Variants in TAFA1 observed in about 807,000 individuals in gnomAD.
TAFA1 encodes TAFA chemokine like family member 1, also known as chemokine-like protein TAFA-1.
In TAFA1, 4 loss-of-function variants were observed where a neutral mutation model predicts 18.5. The observed-to-expected ratio is 0.22, with a 90% CI of 0.11 to 0.49. The LOEUF is 0.49. Among genes scored for constraint, TAFA1 ranks in the 20% least tolerant of loss-of-function variants. The pLI is 0.98. For synonymous variants in TAFA1, 56 were observed against 55.2 expected, an observed-to-expected ratio of 1.01 and a Z score of -0.06; for missense variants, 147 against 169.0, an observed-to-expected ratio of 0.87 and a Z score of 0.72.
intron 2 of TAFA1, among the ~76,000 whole-genome samples, chr3:68,306,332 C>G (rs1040448543): frequency 7.9e-5 from 12 of 152,158 alleles, no homozygotes; most frequent in African/African-American, 2.7e-4. Context: ...GGGGAAATAA[C>G]ACGTCTCTCT....
intron 3 of TAFA1, among the ~76,000 whole-genome samples, chr3:68,517,740 G>C (rs528881360): frequency 2.6e-5 from 4 of 152,240 alleles, no homozygotes; most frequent in Admixed American, 1.3e-4. Context: ...AAACAGCATT[G>C]CTGAGATGAG....
chr3:68,456,723 T>G (rs35767642), intron 3 of TAFA1, among the ~76,000 whole-genome samples: 30,640 of 152,186 alleles, frequency 0.2, 3,364 homozygotes, highest in Admixed American at 0.27. Flanking sequence ...AAAGGTATCT[T>G]GCAAAAAATG....
intron 3 of TAFA1, among the ~76,000 whole-genome samples, chr3:68,451,978 C>T (rs2071573106): frequency 6.6e-6 from 1 of 152,012 alleles, no homozygotes; most frequent in African/African-American, 2.4e-5. Flanking sequence ...CAGGATGGAA[C>T]CGTGAAGGAA....
intron 2 of TAFA1, among the ~76,000 whole-genome samples, chr3:68,071,325 C>T (rs1462751694): frequency 6.6e-6 from 1 of 152,198 alleles, no homozygotes; most frequent in Non-Finnish European, 1.5e-5. Flanking sequence ...GACTTTTTCA[C>T]TATCATGAGA....
rs2069751137 is a variant in TAFA1 at position 68,373,466 on chromosome 3, A to G, written c.119-43814A>G. On this transcript the variant is annotated intron_variant, in intron 2 of 4. Coordinates refer to ENST00000478136, the MANE Select transcript of TAFA1 (RefSeq NM_213609.4). ...TATGCCATTCTGTTTAGCTTCATCC[A>G]TATCAACTCAGGGAGAGGGACTCAA... Among the ~76,000 whole-genome samples, 3 of 152,152 alleles carry G rather than the reference A, an allele frequency of 2.0e-5. No individual in the cohort carries two copies. In the South Asian group the frequency reaches 6.2e-4, roughly 32 times the overall value.
intron 2 of TAFA1, among the ~76,000 whole-genome samples, chr3:68,251,089 A>G (rs1000489127): frequency 2.0e-5 from 3 of 151,752 alleles, no homozygotes; most frequent in Admixed American, 6.6e-5. Context: ...AAAAAAAACC[A>G]AAATAAATTA....
At chr3:68,426,366 A>G (rs1396139678) in intron 3 of TAFA1, among the ~76,000 whole-genome samples, 3 of 151,920 alleles carry the variant, frequency 2.0e-5, no homozygotes, top group Non-Finnish European at 4.4e-5. Flanking sequence ...ATTTGGGTAC[A>G]TGCAGGCCTA....
At chr3:68,005,533 C>G (rs566335197) in intron 1 of TAFA1, among the ~76,000 whole-genome samples, 3 of 152,196 alleles carry the variant, frequency 2.0e-5, no homozygotes, top group South Asian at 4.1e-4. Context: ...TAATAAAGAA[C>G]CAATTTTCAT....
intron 3 of TAFA1, among the ~76,000 whole-genome samples, chr3:68,524,120 T>A (rs1251157192): frequency 6.6e-6 from 1 of 152,176 alleles, no homozygotes; most frequent in Non-Finnish European, 1.5e-5. Flanking sequence ...TCTTCTGGTC[T>A]GGGCTGGCTC....
intron 2 of TAFA1, among the ~76,000 whole-genome samples, chr3:68,087,298 A>T (rs1226644267): frequency 4.6e-5 from 7 of 152,196 alleles, no homozygotes; most frequent in Admixed American, 3.9e-4. Flanking sequence ...TAGTGAAAGA[A>T]GATAATTACT....
At chr3:67,999,297 G>GTGTGTT (rs144366541), upstream of TAFA1, among the ~76,000 whole-genome samples, 1 of 150,688 alleles carries the variant, frequency 6.6e-6, no homozygotes, top group Non-Finnish European at 1.5e-5. Context: ...CTGTGTGTGT[G>GTGTGTT]TGTGTGTATG....
chr3:68,370,444 A>G (rs2069671812), intron 2 of TAFA1, among the ~76,000 whole-genome samples: 1 of 79,992 alleles, frequency 1.3e-5, no homozygotes, highest in African/African-American at 5.1e-5. Flanking sequence ...ATATATACAT[A>G]TGTATATATA....
chr3:68,234,896 T>C (rs1356702735), intron 2 of TAFA1, among the ~76,000 whole-genome samples: 11 of 152,204 alleles, frequency 7.2e-5, no homozygotes, highest in Non-Finnish European at 1.6e-4. Flanking sequence ...TTGATACAGC[T>C]TTCTGTGAAT....
intron 2 of TAFA1, among the ~76,000 whole-genome samples, chr3:68,316,638 A>G (rs2068610491): frequency 6.6e-6 from 1 of 152,188 alleles, no homozygotes; most frequent in East Asian, 1.9e-4. Flanking sequence ...TTCTGAATTC[A>G]TTAGATTCCA....
chr3:68,346,008 C>T (rs262218), intron 2 of TAFA1, among the ~76,000 whole-genome samples: 2 of 152,016 alleles, frequency 1.3e-5, no homozygotes, highest in Admixed American at 1.3e-4. Flanking sequence ...CTGGCTACTT[C>T]GCAGCTCTTT....
chr3:68,078,242 C>A (rs1411748876), intron 2 of TAFA1, among the ~76,000 whole-genome samples: 2 of 152,144 alleles, frequency 1.3e-5, no homozygotes, highest in Non-Finnish European at 2.9e-5. Context: ...GATATACAAT[C>A]ATGTCATCTG....
At chr3:68,258,634 A>G (rs575344314) in intron 2 of TAFA1, among the ~76,000 whole-genome samples, 7 of 152,298 alleles carry the variant, frequency 4.6e-5, no homozygotes, top group African/African-American at 1.7e-4. Context: ...TGCCACAGCA[A>G]AAGAAAGATC....
intron 2 of TAFA1, among the ~76,000 whole-genome samples, chr3:68,200,845 T>C (rs2066462086): frequency 6.6e-6 from 1 of 151,712 alleles, no homozygotes; most frequent in South Asian, 2.1e-4. Context: ...TTCATGTTTT[T>C]AATGTTATTG....
chr3:68,540,005 A>G (rs1259897549), intron 4 of TAFA1, among the ~76,000 whole-genome samples: 1 of 152,094 alleles, frequency 6.6e-6, no homozygotes, highest in Non-Finnish European at 1.5e-5. Context: ...GGTCTGATGT[A>G]TTTGAAAGGA....
Sources: gnomAD v4.1 joint callset for allele counts (sites outside exome capture counted in the v4.1 genomes callset) on GRCh38, gnomAD v4.1.1 for gene constraint, MANE v1.5 for transcripts, NCBI Gene and HGNC (gene_info 2026-07-23, HGNC 2026-07-21) for gene names.